PLCB4: variants seen among roughly 807,000 people sequenced by gnomAD.
The protein encoded by PLCB4 is phospholipase C beta 4.
A neutral mutation model predicts 178.8 loss-of-function variants in PLCB4; 77 were observed. The ratio of observed to expected loss-of-function variants is 0.43; its 90% CI spans 0.36 to 0.52. PLCB4 has a LOEUF of 0.52. PLCB4 is among the 20% of genes least tolerant of loss of function. The pLI is 0.00. For synonymous variants in PLCB4, 496 were observed against 490.8 expected (o/e 1.01, Z -0.14); for missense variants, 1,024 against 1,453.4 (o/e 0.70, Z 4.80).
intron 3 of PLCB4, among the ~76,000 whole-genome samples, chr20:9,219,464 GA>G (rs538760742): frequency 6.7e-5 from 10 of 148,672 alleles, no homozygotes; most frequent in South Asian, 4.3e-4. Flanking sequence ...GGGAGACTCC[GA>G]AAAAAAAAAC....
At position 9,435,587 on chromosome 20, in the gene PLCB4, A is replaced by C. The variant is rs773086863; in HGVS notation, c.2552A>C (p.Lys851Thr). Residue 851 changes from lysine (K) to threonine (T), a missense_variant, in exon 29 of 40, where the codon AAG becomes ACG. This residue lies in a region of PLCB4 where 227 missense variants were observed against 374.3 expected (regional missense o/e 0.61). Coordinates refer to ENST00000378473, the MANE Select transcript of PLCB4 (RefSeq NM_001377142.1). ...GDIVDALSDP[K>T]KFLSITEKRA... ...ATCGTGGATGCTTTATCAGATCCAA[A>C]GAAATTTCTCTCAATTACAGAAAAG... 1 of 1,608,178 alleles carries C rather than the reference A, an allele frequency of 6.2e-7. No individual in the cohort carries two copies. Among genetic ancestry groups the C allele is most frequent in the Non-Finnish European group, 8.5e-7 (1 of 1,174,842 alleles).
intron 7 of PLCB4, among the ~76,000 whole-genome samples, chr20:9,360,425 A>G (rs966613384): frequency 3.9e-5 from 6 of 152,224 alleles, no homozygotes; most frequent in South Asian, 2.1e-4. Context: ...ACAAACAACT[A>G]AATTAGAATG....
chr20:9,119,141 AT>A (rs1198379131), intron 2 of PLCB4, among the ~76,000 whole-genome samples: 1 of 152,092 alleles, frequency 6.6e-6, no homozygotes, highest in Non-Finnish European at 1.5e-5. Context: ...GGCCCTTAGC[AT>A]TTTGCTAAAT....
intron 4 of PLCB4, among the ~76,000 whole-genome samples, chr20:9,326,904 C>G (rs1211280515): frequency 6.6e-6 from 1 of 152,138 alleles, no homozygotes; most frequent in Non-Finnish European, 1.5e-5. Flanking sequence ...TGCACTAATA[C>G]CATTGCTCTT....
intron 3 of PLCB4, among the ~76,000 whole-genome samples, chr20:9,251,748 A>G (rs999521180): frequency 1.3e-5 from 2 of 152,258 alleles, no homozygotes; most frequent in South Asian, 2.1e-4. Context: ...AAAGACCTCA[A>G]TTCCCTTTGA....
chr20:9,123,476 A>G (rs946392547), intron 2 of PLCB4, among the ~76,000 whole-genome samples: 3 of 150,772 alleles, frequency 2.0e-5, no homozygotes, highest in Non-Finnish European at 4.4e-5. Flanking sequence ...TCTTAAAGTC[A>G]ATATTTTGTA....
chr20:9,456,710 G>A (rs1459070682), intron 33 of PLCB4, among the ~76,000 whole-genome samples: 1 of 152,144 alleles, frequency 6.6e-6, no homozygotes, highest in Non-Finnish European at 1.5e-5. Context: ...GATTTGATGC[G>A]AGACCTTGCA....
chr20:9,382,674 C>T (rs940998686), intron 13 of PLCB4, among the ~76,000 whole-genome samples: 2 of 152,180 alleles, frequency 1.3e-5, no homozygotes, highest in African/African-American at 4.8e-5. Context: ...CTCAGAAGGG[C>T]TTTCACTGGC....
intron 4 of PLCB4, among the ~76,000 whole-genome samples, chr20:9,312,635 G>A (rs1055121554): frequency 2.0e-5 from 3 of 152,052 alleles, no homozygotes; most frequent in East Asian, 1.9e-4. Flanking sequence ...AAAGCAAAGC[G>A]CTTTCCAAAT....
chr20:9,464,487 C>T (rs753623236), intron 35 of PLCB4, among the ~76,000 whole-genome samples: 7 of 151,974 alleles, frequency 4.6e-5, no homozygotes, highest in Non-Finnish European at 8.8e-5. Flanking sequence ...TCAATGAATC[C>T]GGGAGCTGGT....
chr20:9,335,148 A>G (rs781668901), intron 4 of PLCB4, among the ~76,000 whole-genome samples: 1 of 152,156 alleles, frequency 6.6e-6, no homozygotes, highest in African/African-American at 2.4e-5. Context: ...CATTGCCGTC[A>G]GGATATTCAT....
At chr20:9,186,305 A>G (rs1480974955) in intron 2 of PLCB4, among the ~76,000 whole-genome samples, 6 of 152,352 alleles carry the variant, frequency 3.9e-5, no homozygotes, top group Non-Finnish European at 7.3e-5. Flanking sequence ...TTTAAAAAAT[A>G]GTATTTGTCA....
chr20:9,410,626 T>C (rs1386281495), intron 24 of PLCB4, among the ~76,000 whole-genome samples: 1 of 152,178 alleles, frequency 6.6e-6, no homozygotes, highest in Non-Finnish European at 1.5e-5. Context: ...GATACTTACC[T>C]AGTTCATTTT....
chr20:9,078,125 C>T (rs1019264175), intron 1 of PLCB4, among the ~76,000 whole-genome samples: 15 of 151,858 alleles, frequency 9.9e-5, no homozygotes, highest in South Asian at 2.1e-4. Flanking sequence ...GGACCAGAGG[C>T]GCACACTAGC....
intron 2 of PLCB4, among the ~76,000 whole-genome samples, chr20:9,163,972 G>T (rs1319242366): frequency 6.6e-6 from 1 of 152,116 alleles, no homozygotes; most frequent in African/African-American, 2.4e-5. Flanking sequence ...AAACTATTTT[G>T]CGTGAGTCAT....
At chr20:9,154,881 TTCCTTCCC>T (rs879330389) in intron 2 of PLCB4, among the ~76,000 whole-genome samples, 30 of 97,332 alleles carry the variant, frequency 3.1e-4, no homozygotes, top group Admixed American at 5.2e-4. Context: ...CCTTCCTTCT[TTCCTTCCC>T]TCCTTCCCTC....
intron 2 of PLCB4, among the ~76,000 whole-genome samples, chr20:9,172,064 A>C (rs985745995): frequency 6.6e-6 from 1 of 152,142 alleles, no homozygotes; most frequent in South Asian, 2.1e-4. Context: ...AGTTACTTCC[A>C]TGTGTCTGGC....
In PLCB4 at chr20:9,399,013, G is replaced by A. The variant is rs145959604; in HGVS notation, c.1511-2477G>A. On this transcript the variant is annotated intron_variant, in intron 19 of 39. Transcript: ENST00000378473. ...TGCAAAAATACTTTTTTAAAAAGGA[G>A]AAAGAATAGAACGAATGAAAGTCAA... Among the ~76,000 whole-genome samples the A allele has an allele frequency of 6.6e-3, 1,005 of 152,266 alleles. 14 individuals are homozygous for A. The highest frequency in any genetic ancestry group is 0.023 in the African/African-American group (961 of 41,558).
At chr20:9,358,110 T>C (rs1997700) in intron 7 of PLCB4, among the ~76,000 whole-genome samples, 3,705 of 152,320 alleles carry the variant, frequency 0.024, 66 homozygotes, top group Middle Eastern at 0.037. Context: ...GCTTCTTAAA[T>C]GTGTGTGTGC....
Sources: allele counts gnomAD v4.1 joint callset (sites outside exome capture counted in the v4.1 genomes callset), GRCh38; gene constraint gnomAD v4.1.1; regional missense constraint gnomAD v4.1.1; transcripts MANE v1.5; gene names NCBI Gene and HGNC (gene_info 2026-07-23, HGNC 2026-07-21).